The following VWA8 variants were observed in gnomAD, a reference collection of about 807,000 sequenced individuals.
VWA8 encodes the protein von Willebrand factor A domain containing 8.
VWA8 carries 221 observed loss-of-function variants against 241.5 expected under a neutral mutation model. The observed-to-expected ratio is 0.91, with a 90% CI of 0.82 to 1.02. The LOEUF is 1.02. Among genes scored for constraint, VWA8 ranks in the 50% least tolerant of loss-of-function variants. VWA8 has a pLI of 0.00. For missense variants in VWA8, 2,322 were observed against 2,328.7 expected, an observed-to-expected ratio of 1.00 and a Z score of 0.06; for synonymous variants, 852 against 827.1, an observed-to-expected ratio of 1.03 and a Z score of -0.52.
At chr13:41,897,561 T>C (rs1428363390) in intron 4 of VWA8, among the ~76,000 whole-genome samples, 1 of 152,220 alleles carries the variant, frequency 6.6e-6, no homozygotes, top group Admixed American at 6.5e-5. Context: ...ATAGATGTAT[T>C]AAAGTATTGT....
intron 21 of VWA8, among the ~76,000 whole-genome samples, chr13:41,749,621 ATAGAC>A (rs2045638339): frequency 1.3e-5 from 2 of 152,272 alleles, no homozygotes; most frequent in South Asian, 4.1e-4. Flanking sequence ...TCCAACAATG[ATAGAC>A]TAGATTAAGA....
At position 41,961,054 on chromosome 13, in the gene VWA8, G is replaced by A; in HGVS notation, c.-39C>T. 1 of 1,354,858 alleles carries A rather than the reference G, an allele frequency of 7.4e-7. No homozygotes were observed. Among genetic ancestry groups the A allele is most frequent in the South Asian group, 1.8e-5 (1 of 56,984 alleles). The allele number at this position is 1,354,858 out of a possible 1,614,324, so 83.9% of individuals were successfully genotyped here. A position where few individuals can be genotyped will look rare whatever the true frequency, so the allele number is the denominator to read the frequency against. ...CTGTCGGGGACGGCGAGGGGGCTCGGGGATCGAGCGGCGTCCCGTGCAGGC... is the reference window on the plus strand; with the variant it reads ...CTGTCGGGGACGGCGAGGGGGCTCGAGGATCGAGCGGCGTCCCGTGCAGGC... On this transcript the variant is annotated 5_prime_UTR_variant, in exon 1 of 45. Coordinates refer to ENST00000379310, the MANE Select transcript of VWA8 (RefSeq NM_015058.2).
In VWA8 at chr13:41,803,330, A is replaced by G. The variant is rs117167412; in HGVS notation, c.2063+7895T>C. Among the ~76,000 whole-genome samples the G allele has an allele frequency of 2.8e-4, 42 of 152,326 alleles. 1 individual carries two copies. The East Asian group carries it at 8.1e-3, about 29-fold the overall frequency. ...CATGACCTTACCAAACAATCAAATA[A>G]GGCACCGGTGACCAATCTCAGAGAG... On this transcript the variant is annotated intron_variant, in intron 17 of 44. Coordinates refer to ENST00000379310, the MANE Select transcript of VWA8 (RefSeq NM_015058.2).
In VWA8 at chr13:41,865,921, A is replaced by G. The variant is rs746575842; in HGVS notation, c.1328T>C (p.Ile443Thr). Residue 443 changes from isoleucine (I) to threonine (T), a missense_variant, in exon 11 of 45, where the codon ATA becomes ACA. By Grantham distance (89) the Ile-to-Thr change is moderately conservative (BLOSUM62 -1). Transcript: ENST00000379310. ...EMMQSHMVKD[I>T]CLIGGKGCGK... The stretch of plus-strand genomic sequence containing the variant: ...TCTTACCTTTCCTCCAATTAAACAT[A>G]TATCTTTAACCATGTGAGACTGCAT... The G allele has an allele frequency of 5.0e-6, 8 of 1,614,220 alleles. No individual in the cohort carries two copies. The highest frequency in any genetic ancestry group is 1.7e-5 in the Admixed American group (1 of 60,022).
intron 17 of VWA8, among the ~76,000 whole-genome samples, chr13:41,796,283 A>G (rs1182696736): frequency 6.6e-6 from 1 of 152,150 alleles, no homozygotes; most frequent in African/African-American, 2.4e-5. Context: ...CAGGGATTCT[A>G]AATTTCTTGA....
intron 12 of VWA8, among the ~76,000 whole-genome samples, chr13:41,850,282 T>C (rs1194399149): frequency 6.6e-6 from 1 of 152,172 alleles, no homozygotes; most frequent in Non-Finnish European, 1.5e-5. Flanking sequence ...ATGTTATCCA[T>C]TACTAAAAAA....
At chr13:41,895,556 A>G (rs1875059331) in intron 4 of VWA8, among the ~76,000 whole-genome samples, 1 of 152,206 alleles carries the variant, frequency 6.6e-6, no homozygotes, top group South Asian at 2.1e-4. Context: ...AGTCTTCTAC[A>G]GATAACTACA....
chr13:41,742,581 T>C (rs1466841939), intron 21 of VWA8, among the ~76,000 whole-genome samples: 2 of 152,186 alleles, frequency 1.3e-5, no homozygotes. Flanking sequence ...TTAAAAACAC[T>C]CTTGGATTTT....
Position 41,689,336 on chromosome 13 carries a change from T to G in VWA8, c.4131+18A>C. ...GGAAAGAAACATTTATCCGATAATT[T>G]AAAAAATGGGTGCTTACCATGAGAT... On this transcript the variant is annotated intron_variant, in intron 34 of 44. Transcript: ENST00000379310. The G allele has an allele frequency of 6.2e-7, 1 of 1,601,282 alleles. No homozygotes were observed. The highest frequency in any genetic ancestry group is 8.5e-7 in the Non-Finnish European group (1 of 1,174,590).
intron 18 of VWA8, 139 bp from the exon 19 acceptor site, chr13:41,784,040 A>C (rs956329976): frequency 1.6e-6 from 1 of 642,940 alleles, no homozygotes; most frequent in Non-Finnish European, 2.7e-6. Flanking sequence ...GCTGGAGAGT[A>C]GTAATAAAAC....
intron 9 of VWA8, among the ~76,000 whole-genome samples, chr13:41,882,478 G>T (rs1176112093): frequency 6.6e-6 from 1 of 152,034 alleles, no homozygotes; most frequent in Admixed American, 6.5e-5. Context: ...GTTGTAGCGA[G>T]CCGAGATCAC....
At chr13:41,779,373 A>G (rs1868786369) in intron 19 of VWA8, among the ~76,000 whole-genome samples, 1 of 151,870 alleles carries the variant, frequency 6.6e-6, no homozygotes, top group Non-Finnish European at 1.5e-5. Flanking sequence ...CTCCTTCAGG[A>G]ACAAATGAGT....
intron 17 of VWA8, among the ~76,000 whole-genome samples, chr13:41,798,666 T>C (rs1442409849): frequency 6.6e-6 from 1 of 152,198 alleles, no homozygotes; most frequent in Non-Finnish European, 1.5e-5. Context: ...ATCTGTAGAC[T>C]CATGTCTTTC....
intron 36 of VWA8, among the ~76,000 whole-genome samples, chr13:41,673,985 T>C (rs185277743): frequency 8.5e-5 from 13 of 152,340 alleles, no homozygotes; most frequent in Admixed American, 7.8e-4. Flanking sequence ...AAAGATGTTA[T>C]TTGCTTTTGT....
At chr13:41,933,087 G>A (rs905220102) in intron 2 of VWA8, among the ~76,000 whole-genome samples, 4 of 151,938 alleles carry the variant, frequency 2.6e-5, no homozygotes, top group Non-Finnish European at 4.4e-5. Flanking sequence ...TATAGAAAAT[G>A]TGATGCAATC....
intron 17 of VWA8, among the ~76,000 whole-genome samples, chr13:41,800,902 T>C (rs1832287669): frequency 6.6e-6 from 1 of 152,202 alleles, no homozygotes; most frequent in East Asian, 1.9e-4. Context: ...GTCAATATTG[T>C]CTTAAAAATC....
At chr13:41,803,336 C>T (rs1008589446) in intron 17 of VWA8, among the ~76,000 whole-genome samples, 5 of 152,234 alleles carry the variant, frequency 3.3e-5, no homozygotes, top group East Asian at 1.9e-4. Context: ...AATAAGGCAC[C>T]GGTGACCAAT....
intron 24 of VWA8, among the ~76,000 whole-genome samples, chr13:41,725,475 A>G (rs2045425548): frequency 1.3e-5 from 2 of 152,218 alleles, no homozygotes; most frequent in African/African-American, 4.8e-5. Context: ...AGACTGCTGG[A>G]ATAAAAATAT....
intron 2 of VWA8, among the ~76,000 whole-genome samples, chr13:41,922,998 C>T (rs578065114): frequency 7.2e-5 from 11 of 152,236 alleles, no homozygotes; most frequent in African/African-American, 1.2e-4. Flanking sequence ...ATGTTTACTG[C>T]GGCATTATTC....
Sources: allele counts gnomAD v4.1 joint callset (sites outside exome capture counted in the v4.1 genomes callset), GRCh38; gene constraint gnomAD v4.1.1; transcripts MANE v1.5; gene names NCBI Gene and HGNC (gene_info 2026-07-23, HGNC 2026-07-21).